The following NEK11 variants were observed in gnomAD, a reference collection of about 807,000 sequenced individuals.
NEK11 encodes serine/threonine-protein kinase Nek11.
Under a neutral mutation model 80.7 loss-of-function variants are expected in NEK11, and 72 were observed. That is an observed-to-expected ratio of 0.89 (90% CI 0.74 to 1.08). The LOEUF is 1.08. Among genes scored for constraint, NEK11 ranks in the 50% least tolerant of loss-of-function variants. The pLI is 0.00. For synonymous variants in NEK11, 251 were observed against 260.7 expected (o/e 0.96, Z 0.36); for missense variants, 764 against 763.6 (o/e 1.00, Z -0.01).
intron 3 of NEK11, among the ~76,000 whole-genome samples, chr3:131,061,603 T>C (rs1018837587): frequency 6.6e-6 from 1 of 150,502 alleles, no homozygotes; most frequent in African/African-American, 2.4e-5. Context: ...GAAAACAAGA[T>C]TTCACCAGTT....
chr3:131,183,203 G>C (rs1422768634), intron 14 of NEK11, among the ~76,000 whole-genome samples: 2 of 152,274 alleles, frequency 1.3e-5, no homozygotes, highest in African/African-American at 4.8e-5. Flanking sequence ...GGCCCCTTTA[G>C]CTCTGTGCCA....
At chr3:131,135,111 A>G (rs2085310575) in intron 7 of NEK11, among the ~76,000 whole-genome samples, 1 of 152,194 alleles carries the variant, frequency 6.6e-6, no homozygotes, top group Admixed American at 6.5e-5. Flanking sequence ...GGAAAAGTGA[A>G]TCACAACAGG....
chr3:131,312,396 A>G (rs1350448803), intron 17 of NEK11, among the ~76,000 whole-genome samples: 1 of 152,188 alleles, frequency 6.6e-6, no homozygotes, highest in Non-Finnish European at 1.5e-5. Context: ...GGGTGGGATA[A>G]TCATTGTAGA....
intron 15 of NEK11, among the ~76,000 whole-genome samples, chr3:131,241,561 T>G (rs560872491): frequency 6.6e-6 from 1 of 152,226 alleles, no homozygotes; most frequent in South Asian, 2.1e-4. Flanking sequence ...ATATTTGACT[T>G]GGAATACCTG....
intron 6 of NEK11, 92 bp from the exon 7 acceptor site, chr3:131,133,738 A>G (rs1228950725): frequency 3.3e-6 from 3 of 903,750 alleles, no homozygotes; most frequent in South Asian, 3.5e-5. Context: ...GCATAATAAA[A>G]TGGTCAAATT....
chr3:131,127,027 G>A (rs1248128891), intron 5 of NEK11, among the ~76,000 whole-genome samples: 12 of 138,704 alleles, frequency 8.7e-5, no homozygotes, highest in Non-Finnish European at 1.7e-4. Flanking sequence ...GTACAGTGGC[G>A]CGATCCTGGC....
At chr3:131,099,363 TA>T (rs1394559325) in intron 4 of NEK11, among the ~76,000 whole-genome samples, 2 of 152,356 alleles carry the variant, frequency 1.3e-5, no homozygotes, top group South Asian at 2.1e-4. Context: ...GCTTTTTGTT[TA>T]CGATAGCCTT....
rs142626937 is a variant in NEK11 at position 131,031,635 on chromosome 3, G to A, written c.170+1757G>A. ...TGGAGAGAGTGTGTTTGTAGTCAGC[G>A]GGGAAGAGAGAGAGAAAGAGAATGA... On this transcript the variant is annotated intron_variant, in intron 3 of 17. Transcript: ENST00000383366. Among the ~76,000 whole-genome samples the A allele has an allele frequency of 2.3e-3, 351 of 152,272 alleles. 1 individual carries two copies. The highest frequency in any genetic ancestry group is 7.9e-3 in the African/African-American group (329 of 41,538).
At chr3:131,055,244 A>C (rs1474451763) in intron 3 of NEK11, among the ~76,000 whole-genome samples, 1 of 152,244 alleles carries the variant, frequency 6.6e-6, no homozygotes, top group Non-Finnish European at 1.5e-5. Context: ...AGTGTTTACT[A>C]TAAGTAATGT....
intron 3 of NEK11, among the ~76,000 whole-genome samples, chr3:131,066,854 A>AAAAG (rs1553839704): frequency 1.3e-5 from 2 of 151,242 alleles, no homozygotes; most frequent in South Asian, 2.1e-4. Flanking sequence ...AAAAAAAAAA[A>AAAAG]AAAAGAAAAG....
At chr3:131,036,822 A>AT (rs1434674120) in intron 3 of NEK11, among the ~76,000 whole-genome samples, 1 of 152,180 alleles carries the variant, frequency 6.6e-6, no homozygotes, top group African/African-American at 2.4e-5. Flanking sequence ...AGAGGACTGC[A>AT]TTTTGAGGAT....
At chr3:131,186,196 A>T (rs760825631) in intron 14 of NEK11, among the ~76,000 whole-genome samples, 1 of 152,242 alleles carries the variant, frequency 6.6e-6, no homozygotes, top group Non-Finnish European at 1.5e-5. Flanking sequence ...TTATAATTTT[A>T]GCCCATAAAC....
chr3:131,201,013 G>A (rs1490373765), intron 14 of NEK11, among the ~76,000 whole-genome samples: 1 of 152,050 alleles, frequency 6.6e-6, no homozygotes, highest in Non-Finnish European at 1.5e-5. Context: ...CATACAATGG[G>A]ATGCTCTATA....
intron 17 of NEK11, among the ~76,000 whole-genome samples, chr3:131,300,011 C>G (rs1392310560): frequency 2.0e-5 from 3 of 152,184 alleles, no homozygotes; most frequent in African/African-American, 7.2e-5. Context: ...TATAAGCATT[C>G]CCTTTTCTCT....
rs570182359 is a variant in NEK11 at position 131,198,905 on chromosome 3, C to T, written c.1399+28018C>T. On this transcript the variant is annotated intron_variant, in intron 14 of 17. Coordinates refer to ENST00000383366, the MANE Select transcript of NEK11 (RefSeq NM_024800.5). ...TTCGCCGTACCTGGGAATCCATATT[C>T]GGCAGAAACCTGTTATGCCAAGGAG... is the stretch of plus-strand genomic sequence containing the variant. 1.8e-3 allele frequency among the ~76,000 whole-genome samples: 268 copies of T among 152,264 alleles called. 1 individual carries two copies. Among genetic ancestry groups the T allele is most frequent in the African/African-American group, 6.1e-3 (255 of 41,548 alleles).
At chr3:131,117,827 T>A (rs1332820935) in intron 5 of NEK11, among the ~76,000 whole-genome samples, 1 of 152,230 alleles carries the variant, frequency 6.6e-6, no homozygotes, top group Non-Finnish European at 1.5e-5. Flanking sequence ...TGATTTTGTA[T>A]CCTGAGATTT....
At chr3:131,216,135 G>C (rs1045946139) in intron 14 of NEK11, among the ~76,000 whole-genome samples, 4 of 152,216 alleles carry the variant, frequency 2.6e-5, no homozygotes, top group African/African-American at 9.6e-5. Flanking sequence ...GAAAGCAAGA[G>C]TGAATTCAGG....
chr3:131,274,632 C>CTTTGT (rs2096262007), intron 17 of NEK11, among the ~76,000 whole-genome samples: 1 of 45,304 alleles, frequency 2.2e-5, no homozygotes, highest in East Asian at 8.1e-4. Flanking sequence ...TGTTTCCTGA[C>CTTTGT]TTTTTTTTTT....
intron 3 of NEK11, among the ~76,000 whole-genome samples, chr3:131,060,438 T>C (rs1467931534): frequency 1.3e-5 from 2 of 152,220 alleles, no homozygotes; most frequent in Non-Finnish European, 2.9e-5. Flanking sequence ...TGGCAAAACA[T>C]TCTCTGGATT....
Sources: gnomAD v4.1 joint callset for allele counts (sites outside exome capture counted in the v4.1 genomes callset) on GRCh38, gnomAD v4.1.1 for gene constraint, MANE v1.5 for transcripts, NCBI Gene and HGNC (gene_info 2026-07-23, HGNC 2026-07-21) for gene names.